The following TNR variants were observed in gnomAD, a reference collection of about 807,000 sequenced individuals.
The protein encoded by TNR is tenascin R.
In TNR, 45 loss-of-function variants were observed where a neutral mutation model predicts 150.4. The observed-to-expected ratio is 0.30, with a 90% CI of 0.24 to 0.38. The LOEUF is 0.38. Among genes scored for constraint, TNR ranks in the 10% least tolerant of loss-of-function variants. The probability of loss-of-function intolerance (pLI) is 1.00; values close to 1 mark genes in which losing one functional copy is unlikely to be tolerated. For missense variants in TNR, 1,544 were observed against 1,759.1 expected, an observed-to-expected ratio of 0.88 and a Z score of 2.19; for synonymous variants, 687 against 678.4, an observed-to-expected ratio of 1.01 and a Z score of -0.20.
intron 1 of TNR, among the ~76,000 whole-genome samples, chr1:175,655,728 G>T (rs927190726): frequency 6.6e-6 from 1 of 152,210 alleles, no homozygotes; most frequent in Admixed American, 6.5e-5. Context: ...TAAGTGGGTT[G>T]TTCTGGTCAT....
rs539213385 is a variant in TNR, at chr1:175,616,419, G to A, written c.-164-88050C>T. 1.1e-3 allele frequency among the ~76,000 whole-genome samples: 163 copies of A among 152,282 alleles called. 1 individual carries two copies. The highest frequency in any genetic ancestry group is 3.7e-3 in the African/African-American group (154 of 41,540). ...CACCCACAACCTCCTGGCAGCTGGCGGGTGATGCTAGGTGTGCTCTGGGAT... is the reference window on the plus strand; with the variant it reads ...CACCCACAACCTCCTGGCAGCTGGCAGGTGATGCTAGGTGTGCTCTGGGAT... On this transcript the variant is annotated intron_variant, in intron 1 of 22. Transcript: ENST00000367674.
intron 1 of TNR, among the ~76,000 whole-genome samples, chr1:175,694,192 C>G (rs1169194077): frequency 6.6e-6 from 1 of 152,126 alleles, no homozygotes; most frequent in Admixed American, 6.5e-5. Flanking sequence ...ATACAGTATC[C>G]CAAGGGATAT....
intron 1 of TNR, among the ~76,000 whole-genome samples, chr1:175,654,026 GC>G (rs768516466): frequency 1.3e-5 from 2 of 152,174 alleles, no homozygotes; most frequent in South Asian, 4.1e-4. Flanking sequence ...ACTCCAGCAT[GC>G]AAAATACTGC....
In TNR at chr1:175,331,157, TTTTCTTTC is replaced by T. The variant is rs1181212559; in HGVS notation, c.3632-930_3632-923del. Among the ~76,000 whole-genome samples the T allele has an allele frequency of 8.2e-5, 9 of 109,880 alleles. 1 individual carries two copies. Among genetic ancestry groups the T allele is most frequent in the African/African-American group, 3.2e-4 (9 of 27,708 alleles). The allele number at this position is 109,880 out of a possible 152,430, so 72.1% of individuals were successfully genotyped here. A position where few individuals can be genotyped will look rare whatever the true frequency, so the allele number is the denominator to read the frequency against. ...TTTCTTTCTTTCTTCCTTTCTTTCT[TTTTCTTTC>T]CTTCCTTCCTTCCTTCCTTCCTTCC... is the stretch of plus-strand genomic sequence containing the variant. On this transcript the variant is annotated intron_variant, in intron 20 of 22. Coordinates refer to ENST00000367674, the MANE Select transcript of TNR (RefSeq NM_003285.3).
At chr1:175,452,035 G>C (rs1276334524) in intron 2 of TNR, among the ~76,000 whole-genome samples, 1 of 152,140 alleles carries the variant, frequency 6.6e-6, no homozygotes, top group Admixed American at 6.5e-5. Context: ...TCCCACTCAG[G>C]GGCAACCAAC....
chr1:175,692,758 C>T (rs1002933773), intron 1 of TNR, among the ~76,000 whole-genome samples: 1 of 152,058 alleles, frequency 6.6e-6, no homozygotes, highest in African/African-American at 2.4e-5. Context: ...TTCACAGGCC[C>T]TAGTATAGGC....
In TNR at chr1:175,366,254, T is replaced by G. The variant is rs967832922; in HGVS notation, c.2054-116A>C. The G allele has an allele frequency of 8.1e-6, 9 of 1,115,846 alleles. No individual in the cohort carries two copies. In the African/African-American group the frequency reaches 9.5e-5, roughly 12 times the overall value. The allele number at this position is 1,115,846 out of a possible 1,614,324, so 69.1% of individuals were successfully genotyped here. On this transcript the variant is annotated intron_variant, in intron 10 of 22. Coordinates refer to ENST00000367674, the MANE Select transcript of TNR (RefSeq NM_003285.3). Reference sequence around the variant, plus strand: ...AGGCCTGCTGACTATGAGCACTAGCTTGTCATTGCTGACACTTATCTAATA... The same window carrying G: ...AGGCCTGCTGACTATGAGCACTAGCGTGTCATTGCTGACACTTATCTAATA...
rs561808419 is a variant in TNR at position 175,654,613 on chromosome 1, C to T, written c.-165+88613G>A. On this transcript the variant is annotated intron_variant, in intron 1 of 22. Transcript: ENST00000367674. ...GGTGCCTTTGTCTAAGTTCTTCTCG[C>T]TTCTTGAAATGCATCCTCCTTCCTC... Among the ~76,000 whole-genome samples, 3 of 151,896 alleles carry T rather than the reference C, an allele frequency of 2.0e-5. No homozygotes were observed. In the South Asian group the frequency reaches 6.2e-4, roughly 32 times the overall value.
chr1:175,353,343 T>A (rs959785335), intron 18 of TNR, among the ~76,000 whole-genome samples: 5 of 152,228 alleles, frequency 3.3e-5, no homozygotes, highest in Non-Finnish European at 7.3e-5. Context: ...TTACATTAGG[T>A]AATACATGTA....
intron 5 of TNR, among the ~76,000 whole-genome samples, chr1:175,394,744 G>C (rs991414432): frequency 2.6e-5 from 4 of 152,246 alleles, no homozygotes; most frequent in Non-Finnish European, 5.9e-5. Flanking sequence ...GAGTTCTCAT[G>C]CTTCTTGGTT....
intron 1 of TNR, among the ~76,000 whole-genome samples, chr1:175,677,565 A>G (rs1282714588): frequency 6.6e-6 from 1 of 152,198 alleles, no homozygotes; most frequent in African/African-American, 2.4e-5. Flanking sequence ...CTTTCTCTGC[A>G]TTAGAAAACC....
intron 2 of TNR, among the ~76,000 whole-genome samples, chr1:175,520,320 T>C (rs549717112): frequency 3.9e-5 from 6 of 152,312 alleles, no homozygotes; most frequent in African/African-American, 1.4e-4. Context: ...GCTTTATTGT[T>C]CTCTGCTGAC....
At chr1:175,410,067 C>T (rs1654140300) in intron 2 of TNR, among the ~76,000 whole-genome samples, 1 of 152,168 alleles carries the variant, frequency 6.6e-6, no homozygotes, top group Admixed American at 6.5e-5. Context: ...TCAGGACAGG[C>T]TTCTCTGATA....
At chr1:175,561,466 T>G (rs59377605) in intron 1 of TNR, among the ~76,000 whole-genome samples, 14,317 of 152,226 alleles carry the variant, frequency 0.094, 727 homozygotes, top group Middle Eastern at 0.14. Context: ...TTCACTCACA[T>G]GGAGGCAAAG....
intron 20 of TNR, among the ~76,000 whole-genome samples, chr1:175,331,001 CTT>C (rs1343808665): frequency 3.9e-5 from 1 of 25,908 alleles, no homozygotes; most frequent in African/African-American, 1.6e-4. Context: ...CTTGGTGATT[CTT>C]TCTTTCTTTC....
chr1:175,391,846 T>C (rs1385543), intron 6 of TNR, among the ~76,000 whole-genome samples: 30,920 of 152,210 alleles, frequency 0.2, 3,242 homozygotes, highest in Middle Eastern at 0.29. Context: ...TAGGAGAGGA[T>C]AGTCATGTGT....
At position 175,681,718 on chromosome 1, in the gene TNR, G is replaced by A. The variant is rs150609249; in HGVS notation, c.-165+61508C>T. 3.7e-3 allele frequency among the ~76,000 whole-genome samples: 558 copies of A among 152,278 alleles called. 6 individuals carry two copies. The highest frequency in any genetic ancestry group is 0.013 in the African/African-American group (534 of 41,534). ...AGCAGTGACACACTCCATAAGCAAG[G>A]TGCAGAGATGTCAGTGAGCAGAATC... On this transcript the variant is annotated intron_variant, in intron 1 of 22. Transcript: ENST00000367674.
Position 175,417,011 on chromosome 1 carries a change from A to AAAGAAAGAAAGAAAGAAAGAAAGAAAG in TNR, c.-63-10235_-63-10234insCTTTCTTTCTTTCTTTCTTTCTTTCTT, listed in dbSNP as rs1553218221. Among the ~76,000 whole-genome samples the AAAGAAAGAAAGAAAGAAAGAAAGAAAG allele has an allele frequency of 5.6e-4, 51 of 90,902 alleles. 1 individual carries two copies. Among genetic ancestry groups the AAAGAAAGAAAGAAAGAAAGAAAGAAAG allele is most frequent in the African/African-American group, 2.1e-3 (45 of 21,890 alleles). 59.6% of individuals were successfully genotyped at this position (90,902 alleles called of 152,430 possible). A position where few individuals can be genotyped will look rare whatever the true frequency, so the allele number is the denominator to read the frequency against. ...CTACAGAGCGAGACTCCATCTCAAA[A>AAAGAAAGAAAGAAAGAAAGAAAGAAAG]AAAGAAAGAAAGAAAGAAAGAAAGA... On this transcript the variant is annotated intron_variant, in intron 2 of 22. Coordinates refer to ENST00000367674, the MANE Select transcript of TNR (RefSeq NM_003285.3).
rs1653391537 is a variant in TNR at position 175,395,605 on chromosome 1, A to G, written c.1240+939T>C. Among the ~76,000 whole-genome samples the G allele has an allele frequency of 2.0e-5, 3 of 151,926 alleles. No individual in the cohort carries two copies. In the South Asian group the frequency reaches 6.2e-4, roughly 31 times the overall value. On this transcript the variant is annotated intron_variant, in intron 5 of 22. Coordinates refer to ENST00000367674, the MANE Select transcript of TNR (RefSeq NM_003285.3). ...GACTTTCCACATAAGGCACAGAGGC[A>G]TTTGTGTGCATGCAGGTTTTGCAGT...
Sources: allele counts gnomAD v4.1 joint callset (sites outside exome capture counted in the v4.1 genomes callset), GRCh38; gene constraint gnomAD v4.1.1; transcripts MANE v1.5; gene names NCBI Gene and HGNC (gene_info 2026-07-23, HGNC 2026-07-21).